TSPAN14: variants seen among roughly 807,000 people sequenced by gnomAD.
TSPAN14 encodes the protein tetraspanin-14.
TSPAN14 carries 16 observed loss-of-function variants against 36.6 expected under a neutral mutation model. The ratio of observed to expected loss-of-function variants is 0.44; its 90% CI spans 0.30 to 0.66. TSPAN14 has a LOEUF of 0.66. Ranked by LOEUF, TSPAN14 falls within the 30% of genes least tolerant of loss-of-function variation. The pLI is 0.12. For synonymous variants in TSPAN14, 139 were observed against 143.8 expected, an observed-to-expected ratio of 0.97 and a Z score of 0.24; for missense variants, 231 against 355.1, an observed-to-expected ratio of 0.65 and a Z score of 2.81.
At chr10:80,465,467 G>A (rs886608802) in intron 1 of TSPAN14, among the ~76,000 whole-genome samples, 2 of 152,212 alleles carry the variant, frequency 1.3e-5, no homozygotes, top group African/African-American at 4.8e-5. Flanking sequence ...CTGGTGGGGT[G>A]GAAACCCTTG....
rs142072629 is a variant in TSPAN14, at chr10:80,481,612, C to T, written c.-17-7605C>T. ...ATTTATGGGGAGTAAAGGGTTAAGT[C>T]CTCCTCTTCCAAGGTAGAAAGCAGA... On this transcript the variant is annotated intron_variant, in intron 1 of 8. Coordinates refer to ENST00000429989, the Ensembl canonical transcript of TSPAN14. 2.4e-4 allele frequency among the ~76,000 whole-genome samples: 37 copies of T among 152,258 alleles called. 2 individuals are homozygous for T. In the East Asian group the frequency reaches 7.2e-3, roughly 29 times the overall value.
chr10:80,511,205 G>A (rs1840600479), intron 5 of TSPAN14, among the ~76,000 whole-genome samples: 1 of 152,178 alleles, frequency 6.6e-6, no homozygotes, highest in Non-Finnish European at 1.5e-5. Context: ...AGTCAAATAA[G>A]GATTTTCTTT....
intron 2 of TSPAN14, among the ~76,000 whole-genome samples, chr10:80,492,029 G>A (rs902598916): frequency 5.3e-5 from 8 of 152,126 alleles, no homozygotes; most frequent in East Asian, 1.9e-4. Flanking sequence ...GGAGGGTGCC[G>A]GGCTGGCTCT....
intron 1 of TSPAN14, among the ~76,000 whole-genome samples, chr10:80,486,180 G>A (rs773243905): frequency 1.3e-5 from 2 of 152,242 alleles, no homozygotes; most frequent in Admixed American, 6.5e-5. Flanking sequence ...TTGGTCATGC[G>A]TGTTGGGTGG....
intron 3 of TSPAN14, among the ~76,000 whole-genome samples, chr10:80,505,720 AG>A (rs1489199007): frequency 6.6e-6 from 1 of 152,230 alleles, no homozygotes; most frequent in Non-Finnish European, 1.5e-5. Flanking sequence ...ACCCAGAAGC[AG>A]GTTCAATCTG....
chr10:80,514,840 G>A (rs1840844668), intron 7 of TSPAN14, among the ~76,000 whole-genome samples: 1 of 152,118 alleles, frequency 6.6e-6, no homozygotes, highest in Non-Finnish European at 1.5e-5. Context: ...GGAGGGGATT[G>A]GGTCATGAGG....
exon 9 of TSPAN14, chr10:80,520,532 C>T (rs779057956): frequency 8.6e-5 from 42 of 487,294 alleles, no homozygotes; most frequent in Middle Eastern, 3.4e-4. Context: ...TCTCACCTCA[C>T]CATGCACATG....
exon 4 of TSPAN14, chr10:80,507,259 G>T: frequency 6.2e-7 from 1 of 1,614,206 alleles, no homozygotes. Context: ...AAAGTGACCC[G>T]GATGCATGGA....
intron 8 of TSPAN14, 93 bp downstream of exon 8, chr10:80,516,416 G>A: frequency 2.6e-6 from 4 of 1,567,226 alleles, no homozygotes; most frequent in Non-Finnish European, 3.5e-6. Context: ...GTTTGGGTAT[G>A]GTATTAAGGA....
At chr10:80,506,463 A>G (rs1257795285) in intron 3 of TSPAN14, among the ~76,000 whole-genome samples, 6 of 152,202 alleles carry the variant, frequency 3.9e-5, no homozygotes, top group Non-Finnish European at 2.9e-5. Context: ...AGTGACTGGA[A>G]GGGGGGCTGT....
chr10:80,476,690 C>G (rs1846935110), intron 1 of TSPAN14, among the ~76,000 whole-genome samples: 1 of 152,048 alleles, frequency 6.6e-6, no homozygotes, highest in African/African-American at 2.4e-5. Context: ...GCTGGGATTA[C>G]AGGAGTTTTA....
Position 80,514,067 on chromosome 10 carries a change from A to G in TSPAN14, c.621+4A>G. On this transcript the variant is annotated splice_donor_region_variant and intron_variant, in intron 7 of 8. Transcript: ENST00000429989. ...TGGATATGATGTCAGGATTCAGGTG[A>G]GAACTCCCATGTATACAACTTGAAG... is the stretch of plus-strand genomic sequence containing the variant. The G allele has an allele frequency of 1.2e-6, 2 of 1,613,018 alleles. No individual in the cohort carries two copies. Among genetic ancestry groups the G allele is most frequent in the Non-Finnish European group, 8.5e-7 (1 of 1,179,118 alleles).
intron 2 of TSPAN14, among the ~76,000 whole-genome samples, chr10:80,498,093 G>A (rs1848292823): frequency 6.6e-6 from 1 of 152,182 alleles, no homozygotes; most frequent in African/African-American, 2.4e-5. Context: ...GGCCCACTGG[G>A]CTCTCAGGCC....
chr10:80,474,689 A>T (rs1010169935), intron 1 of TSPAN14, among the ~76,000 whole-genome samples: 3 of 151,790 alleles, frequency 2.0e-5, no homozygotes, highest in African/African-American at 7.3e-5. Context: ...AGGGGCAAAC[A>T]CTCCAGGGAC....
rs114245683 is a variant in TSPAN14, at chr10:80,506,357, C to G, written c.133-871C>G. 4.3e-3 allele frequency among the ~76,000 whole-genome samples: 661 copies of G among 152,306 alleles called. 9 individuals carry two copies. Among genetic ancestry groups the G allele is most frequent in the African/African-American group, 0.015 (632 of 41,558 alleles). On this transcript the variant is annotated intron_variant, in intron 3 of 8. Coordinates refer to ENST00000429989, the Ensembl canonical transcript of TSPAN14. ...TTTCAGGAAAGGTATGTTTAACATT[C>G]CACACTGAAGATGTAATTGTCCCTG...
chr10:80,489,724 T>C (rs1455776049), intron 2 of TSPAN14, among the ~76,000 whole-genome samples: 2 of 152,210 alleles, frequency 1.3e-5, no homozygotes, highest in Non-Finnish European at 2.9e-5. Flanking sequence ...TAAAGTCTTA[T>C]CCTTGTAGTG....
At chr10:80,506,072 A>G (rs192853946) in intron 3 of TSPAN14, among the ~76,000 whole-genome samples, 1 of 152,274 alleles carries the variant, frequency 6.6e-6, no homozygotes, top group Admixed American at 6.5e-5. Flanking sequence ...CCCTGGTTCA[A>G]GAGATTCTTG....
At chr10:80,516,158 C>T in intron 7 of TSPAN14, 46 bp from the exon 8 acceptor site, 1 of 1,613,496 alleles carries the variant, frequency 6.2e-7, no homozygotes, top group Non-Finnish European at 8.5e-7. Context: ...CAGGTGGGGA[C>T]ATCGTGTGTG....
At chr10:80,479,154 G>C (rs1223953548) in intron 1 of TSPAN14, among the ~76,000 whole-genome samples, 1 of 151,626 alleles carries the variant, frequency 6.6e-6, no homozygotes, top group Non-Finnish European at 1.5e-5. Context: ...TTTTTTTCTT[G>C]TAAATTTGTT....
Sources: allele counts gnomAD v4.1 joint callset (sites outside exome capture counted in the v4.1 genomes callset), GRCh38; gene constraint gnomAD v4.1.1; transcripts MANE v1.5; gene names NCBI Gene and HGNC (gene_info 2026-07-23, HGNC 2026-07-21).